The following DNAJC1 variants were observed in gnomAD, a reference collection of about 807,000 sequenced individuals.
DNAJC1 encodes dnaJ homolog subfamily C member 1.
In DNAJC1, 58 loss-of-function variants were observed where a neutral mutation model predicts 76.6. The observed-to-expected ratio is 0.76, with a 90% CI of 0.61 to 0.94. The LOEUF (loss-of-function observed/expected upper bound fraction) is 0.94, where lower values mean the gene tolerates loss of function less well. DNAJC1 is among the 40% of genes least tolerant of loss of function. The pLI, the probability that DNAJC1 is intolerant of heterozygous loss-of-function variation, is 0.00. For synonymous variants in DNAJC1, 258 were observed against 267.9 expected, an observed-to-expected ratio of 0.96 and a Z score of 0.36; for missense variants, 689 against 677.3, an observed-to-expected ratio of 1.02 and a Z score of -0.19.
At chr10:21,871,445 C>G (rs1836103388) in intron 8 of DNAJC1, among the ~76,000 whole-genome samples, 1 of 151,770 alleles carries the variant, frequency 6.6e-6, no homozygotes, top group Non-Finnish European at 1.5e-5. Flanking sequence ...AAATCTCTTT[C>G]CAATTATTAG....
At chr10:21,789,154 G>T (rs1020057248) in intron 9 of DNAJC1, among the ~76,000 whole-genome samples, 9 of 152,130 alleles carry the variant, frequency 5.9e-5, no homozygotes, top group Admixed American at 5.2e-4. Flanking sequence ...GGGAAGTTGA[G>T]AAAAGGACTC....
intron 1 of DNAJC1, among the ~76,000 whole-genome samples, chr10:21,944,698 T>A (rs960423524): frequency 6.6e-6 from 1 of 152,200 alleles, no homozygotes; most frequent in Non-Finnish European, 1.5e-5. Context: ...TGTAAAAAAA[T>A]GTTATTAGTC....
At chr10:21,804,002 G>C in intron 9 of DNAJC1, 3 of 983,092 alleles carry the variant, frequency 3.1e-6, no homozygotes, top group Non-Finnish European at 3.6e-6. Flanking sequence ...GGAAAAAAAG[G>C]AGACATATGG....
chr10:21,864,935 T>G (rs770264434), intron 8 of DNAJC1, among the ~76,000 whole-genome samples: 14 of 151,894 alleles, frequency 9.2e-5, no homozygotes, highest in Non-Finnish European at 1.6e-4. Context: ...TCATAAAACA[T>G]GATATTCAAA....
Position 21,844,210 on chromosome 10 carries a change from A to G in DNAJC1, c.978+38072T>C, listed in dbSNP as rs537656934. Among the ~76,000 whole-genome samples the G allele has an allele frequency of 2.0e-4, 31 of 152,130 alleles. No homozygotes were observed. The South Asian group carries it at 6.4e-3, about 32-fold the overall frequency. On this transcript the variant is annotated intron_variant, in intron 8 of 11. Coordinates refer to ENST00000376980, the MANE Select transcript of DNAJC1 (RefSeq NM_022365.4). ...TTATTAGCAGCATGAAAATGGACCA[A>G]TATACTCAGTCTCCCGAGTAGCTGG...
intron 8 of DNAJC1, among the ~76,000 whole-genome samples, chr10:21,829,221 GT>G (rs767778422): frequency 1.4e-4 from 20 of 141,892 alleles, no homozygotes; most frequent in Admixed American, 2.1e-4. Flanking sequence ...GTTCGTTTTT[GT>G]TTTTTTTTTT....
intron 1 of DNAJC1, among the ~76,000 whole-genome samples, chr10:21,980,232 T>C (rs1237704684): frequency 6.6e-6 from 1 of 152,022 alleles, no homozygotes; most frequent in African/African-American, 2.4e-5. Flanking sequence ...GTTCTGTCCA[T>C]TAAGAAGTAA....
intron 5 of DNAJC1, among the ~76,000 whole-genome samples, chr10:21,919,078 A>G (rs1590048801): frequency 2.0e-5 from 3 of 152,068 alleles, no homozygotes; most frequent in Admixed American, 2.0e-4. Flanking sequence ...CAATATATAT[A>G]GCATGTAAGA....
At chr10:21,986,415 G>T (rs1838248864) in intron 1 of DNAJC1, among the ~76,000 whole-genome samples, 1 of 152,086 alleles carries the variant, frequency 6.6e-6, no homozygotes, top group Admixed American at 6.6e-5. Flanking sequence ...CTACTATTGA[G>T]TACCTTTTCA....
chr10:21,849,321 T>TAAAAAAAAAAAAAAAAAAAAAAAA (rs1283566162), intron 8 of DNAJC1, among the ~76,000 whole-genome samples: 2 of 63,346 alleles, frequency 3.2e-5, no homozygotes, highest in Admixed American at 1.6e-4. Flanking sequence ...AAAAAAAAAG[T>TAAAAAAAAAAAAAAAAAAAAAAAA]AAATGCCTAC....
At chr10:21,915,730 T>G (rs769632740) in intron 6 of DNAJC1, among the ~76,000 whole-genome samples, 10 of 152,026 alleles carry the variant, frequency 6.6e-5, no homozygotes, top group Non-Finnish European at 5.9e-5. Context: ...GGATGAGATA[T>G]GAGTAAGAAA....
At chr10:21,798,046 C>T (rs1834768058) in intron 9 of DNAJC1, among the ~76,000 whole-genome samples, 1 of 152,198 alleles carries the variant, frequency 6.6e-6, no homozygotes, top group African/African-American at 2.4e-5. Context: ...AAAAGCAGTA[C>T]ACAAGGTCTT....
chr10:21,994,070 T>C (rs570351898), intron 1 of DNAJC1, among the ~76,000 whole-genome samples: 10 of 152,370 alleles, frequency 6.6e-5, no homozygotes, highest in Admixed American at 3.3e-4. Context: ...CAAGGCAGTC[T>C]ATCAGCATTA....
At chr10:21,775,331 C>CTT (rs34444920) in intron 9 of DNAJC1, among the ~76,000 whole-genome samples, 60 of 49,596 alleles carry the variant, frequency 1.2e-3, no homozygotes, top group African/African-American at 2.6e-3. Flanking sequence ...CTGCAAATGG[C>CTT]TTTTTTTTTT....
intron 7 of DNAJC1, among the ~76,000 whole-genome samples, chr10:21,902,852 T>G (rs1836681393): frequency 6.6e-6 from 1 of 152,192 alleles, no homozygotes; most frequent in Non-Finnish European, 1.5e-5. Context: ...AATGATAAGC[T>G]GTGTCCATGA....
At chr10:21,873,508 GT>G (rs1293463275) in intron 8 of DNAJC1, among the ~76,000 whole-genome samples, 1 of 152,110 alleles carries the variant, frequency 6.6e-6, no homozygotes, top group African/African-American at 2.4e-5. Flanking sequence ...ATTAATATAT[GT>G]GGAAAAAACT....
intron 9 of DNAJC1, among the ~76,000 whole-genome samples, chr10:21,794,122 T>C (rs11816415): frequency 0.6 from 90,677 of 151,820 alleles, 28,985 homozygotes; most frequent in East Asian, 0.95. Context: ...ACAAAAAAAC[T>C]AGTTGGGTGT....
At chr10:21,901,083 C>T (rs1453563895) in intron 7 of DNAJC1, among the ~76,000 whole-genome samples, 1 of 152,180 alleles carries the variant, frequency 6.6e-6, no homozygotes, top group African/African-American at 2.4e-5. Flanking sequence ...GGCACCCTTA[C>T]TTCAGTCCCT....
At chr10:21,962,100 T>A (rs2131818977) in intron 1 of DNAJC1, among the ~76,000 whole-genome samples, 1 of 152,300 alleles carries the variant, frequency 6.6e-6, no homozygotes, top group Non-Finnish European at 1.5e-5. Context: ...CCACACTTCC[T>A]ATCCCTCTTC....
Sources: allele counts gnomAD v4.1 joint callset (sites outside exome capture counted in the v4.1 genomes callset), GRCh38; gene constraint gnomAD v4.1.1; transcripts MANE v1.5; gene names NCBI Gene and HGNC (gene_info 2026-07-23, HGNC 2026-07-21).